The following DGKB variants were observed in gnomAD, a reference collection of about 807,000 sequenced individuals.
The protein encoded by DGKB is diacylglycerol kinase beta.
In DGKB, 67 loss-of-function variants were observed where a neutral mutation model predicts 114.3. That is an observed-to-expected ratio of 0.59 (90% confidence interval 0.48 to 0.72). The LOEUF (loss-of-function observed/expected upper bound fraction) is 0.72. Ranked by LOEUF, DGKB falls within the 30% of genes least tolerant of loss-of-function variation. DGKB has a pLI of 0.00. For synonymous variants in DGKB, 398 were observed against 323.1 expected, an observed-to-expected ratio of 1.23 and a Z score of -2.49; for missense variants, 907 against 975.2, an observed-to-expected ratio of 0.93 and a Z score of 0.93.
intron 1 of DGKB, among the ~76,000 whole-genome samples, chr7:14,937,001 AT>A (rs1422495150): frequency 6.7e-6 from 1 of 149,388 alleles, no homozygotes. Context: ...AAAACCAGCT[AT>A]TGATGTGATT....
At chr7:14,322,881 G>A (rs1385578991) in intron 23 of DGKB, among the ~76,000 whole-genome samples, 2 of 152,052 alleles carry the variant, frequency 1.3e-5, no homozygotes, top group Admixed American at 1.3e-4. Context: ...AATAAATTAG[G>A]ATGCCTAAAT....
intron 2 of DGKB, among the ~76,000 whole-genome samples, chr7:14,828,132 T>C (rs1053457691): frequency 1.3e-5 from 2 of 152,148 alleles, no homozygotes; most frequent in South Asian, 2.1e-4. Flanking sequence ...ATAAAATAAA[T>C]GCAATTTTGT....
At chr7:14,188,249 T>G (rs1783741451) in intron 23 of DGKB, among the ~76,000 whole-genome samples, 1 of 152,134 alleles carries the variant, frequency 6.6e-6, no homozygotes, top group Non-Finnish European at 1.5e-5. Flanking sequence ...TTTCTCATAA[T>G]AGGAGTGTCA....
At chr7:14,324,983 A>G (rs1808469531) in intron 23 of DGKB, among the ~76,000 whole-genome samples, 2 of 152,190 alleles carry the variant, frequency 1.3e-5, no homozygotes, top group South Asian at 2.1e-4. Context: ...TGCCACATCT[A>G]TTGGCACACA....
chr7:14,460,571 T>C lies in DGKB; in HGVS notation c.1835+17590A>G, dbSNP rs148884939. 1.6e-3 allele frequency among the ~76,000 whole-genome samples: 246 copies of C among 152,110 alleles called. 7 individuals are homozygous for C. In the East Asian group the frequency reaches 0.045, roughly 28 times the overall value. ...AAGAGCTAACTCTCCTAAATATATA[T>C]GCATCCAATACAGGGGGACGCAGAT... is the stretch of plus-strand genomic sequence containing the variant. On this transcript the variant is annotated intron_variant, in intron 21 of 25. Coordinates refer to ENST00000402815, the MANE Select transcript of DGKB (RefSeq NM_001350709.2).
intron 17 of DGKB, among the ~76,000 whole-genome samples, chr7:14,599,541 T>C (rs1803176663): frequency 6.6e-6 from 1 of 152,186 alleles, no homozygotes; most frequent in South Asian, 2.1e-4. Context: ...AGCCAGTTCT[T>C]CTCCACCTCA....
chr7:14,886,662 C>T (rs1855105781), intron 1 of DGKB, among the ~76,000 whole-genome samples: 2 of 151,990 alleles, frequency 1.3e-5, no homozygotes, highest in South Asian at 2.1e-4. Context: ...CTGCAGTAAT[C>T]TGGGCTAAAA....
chr7:14,611,254 T>C (rs970843795), intron 16 of DGKB, among the ~76,000 whole-genome samples: 7 of 152,256 alleles, frequency 4.6e-5, no homozygotes, highest in Admixed American at 3.9e-4. Context: ...TTGCAACAGA[T>C]CTATTTATGT....
intron 2 of DGKB, among the ~76,000 whole-genome samples, chr7:14,806,002 A>G (rs549955059): frequency 1.1e-4 from 17 of 151,712 alleles, no homozygotes; most frequent in Admixed American, 9.9e-4. Context: ...TTTCACGAAT[A>G]TTTATATATA....
At chr7:14,698,236 C>T in intron 7 of DGKB, 67 bp from the exon 8 acceptor site, 1 of 1,013,146 alleles carries the variant, frequency 9.9e-7, no homozygotes, top group Non-Finnish European at 1.4e-6. Context: ...CTTTCACTTG[C>T]AGAAATTGTT....
At chr7:14,620,909 T>C (rs913965222) in intron 15 of DGKB, among the ~76,000 whole-genome samples, 2 of 151,784 alleles carry the variant, frequency 1.3e-5, no homozygotes, top group African/African-American at 4.8e-5. Flanking sequence ...GCTAGAAATA[T>C]ATTACAATAC....
chr7:14,840,358 C>A (rs1196803586), intron 2 of DGKB, among the ~76,000 whole-genome samples: 1 of 151,982 alleles, frequency 6.6e-6, no homozygotes, highest in Admixed American at 6.6e-5. Context: ...TCTTTTGGTG[C>A]CTGCTATTAA....
intron 5 of DGKB, among the ~76,000 whole-genome samples, chr7:14,726,204 A>G (rs558007069): frequency 6.6e-6 from 1 of 152,090 alleles, no homozygotes; most frequent in Admixed American, 6.5e-5. Flanking sequence ...CAGTGGCGCA[A>G]TCTGGGCTCA....
chr7:14,191,053 A>G (rs1784234811), intron 23 of DGKB: 1 of 155,362 alleles, frequency 6.4e-6, no homozygotes, highest in Non-Finnish European at 1.5e-5. Context: ...AGCAGTTACT[A>G]CTTGATTATT....
intron 13 of DGKB, among the ~76,000 whole-genome samples, chr7:14,649,666 G>A (rs895602662): frequency 3.4e-5 from 5 of 147,022 alleles, no homozygotes; most frequent in Non-Finnish European, 6.0e-5. Context: ...AAATGTAAAT[G>A]GACAAAATGC....
At chr7:14,509,883 G>C (rs921039252) in intron 20 of DGKB, among the ~76,000 whole-genome samples, 1 of 152,166 alleles carries the variant, frequency 6.6e-6, no homozygotes, top group African/African-American at 2.4e-5. Flanking sequence ...GCAAATAAAA[G>C]TTATAATCAC....
Position 14,682,758 on chromosome 7 carries a change from T to G in DGKB, c.913A>C (p.Thr305Pro). 1 of 1,612,424 alleles carries G rather than the reference T, an allele frequency of 6.2e-7. No individual in the cohort carries two copies. Among genetic ancestry groups the G allele is most frequent in the Non-Finnish European group, 8.5e-7 (1 of 1,178,914 alleles). Reference protein sequence around the residue: ...IKTYVKSKRNTDVMHHYWVEG... With the variant: ...IKTYVKSKRNPDVMHHYWVEG... ...AAGCATGCACACAAACTTACATCAG[T>G]GTTCCTTTTGGACTTCACATAGGTC... The change falls in exon 11 of 26, where the codon ACT becomes CCT. Residue 305 changes from threonine (T) to proline (P), a missense_variant. Thr to Pro is a conservative substitution (Grantham distance 38). Coordinates refer to ENST00000402815, the MANE Select transcript of DGKB (RefSeq NM_001350709.2).
At chr7:14,821,623 TG>T (rs774436739) in intron 2 of DGKB, among the ~76,000 whole-genome samples, 3 of 152,164 alleles carry the variant, frequency 2.0e-5, no homozygotes, top group Non-Finnish European at 4.4e-5. Flanking sequence ...GGTTTTCAGA[TG>T]GGTTTGAAAG....
chr7:14,906,599 G>A (rs924164042), upstream of DGKB, among the ~76,000 whole-genome samples: 20 of 151,850 alleles, frequency 1.3e-4, no homozygotes, highest in African/African-American at 4.1e-4. Context: ...GATTACAGGC[G>A]CATGCCACCA....
Sources: allele counts gnomAD v4.1 joint callset (sites outside exome capture counted in the v4.1 genomes callset), GRCh38; gene constraint gnomAD v4.1.1; transcripts MANE v1.5; gene names NCBI Gene and HGNC (gene_info 2026-07-23, HGNC 2026-07-21).